ACADM: variants seen among roughly 807,000 people sequenced by gnomAD.
The protein encoded by ACADM is medium-chain specific acyl-CoA dehydrogenase, mitochondrial.
ACADM carries 49 observed loss-of-function variants against 58.9 expected under a neutral mutation model. The observed-to-expected ratio is 0.83, with a 90% CI of 0.66 to 1.06. ACADM has a LOEUF of 1.06. ACADM is among the 50% of genes least tolerant of loss of function. The pLI, the probability that ACADM is intolerant of heterozygous loss-of-function variation, is 0.00. For missense variants in ACADM, 496 were observed against 507.0 expected, an observed-to-expected ratio of 0.98 and a Z score of 0.21; for synonymous variants, 160 against 157.7, an observed-to-expected ratio of 1.01 and a Z score of -0.11.
At chr1:75,730,633 C>G (rs550627082) in intron 2 of ACADM, among the ~76,000 whole-genome samples, 10 of 151,522 alleles carry the variant, frequency 6.6e-5, no homozygotes, top group Non-Finnish European at 1.5e-4. Context: ...TCTCTCGCCT[C>G]AGCTTCCTGA....
At position 75,753,795 on chromosome 1, in the gene ACADM, C is replaced by CTTTTTTTTTT. The variant is rs71071962; in HGVS notation, c.945+3259_945+3268dup. On this transcript the variant is annotated intron_variant, in intron 10 of 11. Coordinates refer to ENST00000370841, the MANE Select transcript of ACADM (RefSeq NM_000016.6). Reference sequence around the variant, plus strand: ...GCACTCTGCAAAATGCTGATAGCTTCTTTTTTTTTTTTTTTTTTTGAGACA... The same window carrying CTTTTTTTTTT: ...GCACTCTGCAAAATGCTGATAGCTTCTTTTTTTTTTTTTTTTTTTTTTTTTTTTTGAGACA... Among the ~76,000 whole-genome samples the CTTTTTTTTTT allele has an allele frequency of 7.4e-4, 61 of 81,900 alleles. 5 individuals are homozygous for CTTTTTTTTTT. Among genetic ancestry groups the CTTTTTTTTTT allele is most frequent in the African/African-American group, 1.7e-3 (28 of 16,464 alleles). 53.7% of individuals were successfully genotyped at this position (81,900 alleles called of 152,430 possible).
Position 75,749,507 on chromosome 1 carries a change from A to T in ACADM, c.797A>T (p.Asp266Val). 1 of 1,614,110 alleles carries T rather than the reference A, an allele frequency of 6.2e-7. No homozygotes were observed. The highest frequency in any genetic ancestry group is 8.5e-7 in the Non-Finnish European group (1 of 1,180,006). The change falls in exon 9 of 12, where the codon GAC becomes GTC. Residue 266 changes from aspartate (D) to valine (V), a missense_variant. Physicochemically the swap from Asp to Val is radical, Grantham distance 152. Coordinates refer to ENST00000370841, the MANE Select transcript of ACADM (RefSeq NM_000016.6). ...KVPKENVLIG[D>V]GAGFKVAMGA... ...CCTAAAGAAAATGTTTTAATTGGTG[A>T]CGGAGCTGGTTTCAAAGTTGCAATG...
intron 10 of ACADM, among the ~76,000 whole-genome samples, chr1:75,751,112 C>T (rs548003457): frequency 6.7e-6 from 1 of 150,160 alleles, no homozygotes; most frequent in Non-Finnish European, 1.5e-5. Context: ...GAGGCTGAGG[C>T]GGGCGGATCA....
chr1:75,726,479 T>C (rs1236916627), intron 1 of ACADM, among the ~76,000 whole-genome samples: 1 of 152,248 alleles, frequency 6.6e-6, no homozygotes, highest in Non-Finnish European at 1.5e-5. Context: ...GTTCTGATTT[T>C]TGTGGAATGT....
At chr1:75,741,284 C>T (rs1647553741) in intron 7 of ACADM, among the ~76,000 whole-genome samples, 1 of 152,044 alleles carries the variant, frequency 6.6e-6, no homozygotes, top group African/African-American at 2.4e-5. Flanking sequence ...TAAAAAGTTA[C>T]TTAGATTAAA....
In ACADM at chr1:75,729,276, TTTTC is replaced by T. The variant is rs1484430381; in HGVS notation, c.118+800_118+803del. Among the ~76,000 whole-genome samples, 11 of 144,202 alleles carry T rather than the reference TTTTC, an allele frequency of 7.6e-5. No individual in the cohort carries two copies. The South Asian group carries it at 8.7e-4, about 11-fold the overall frequency. 94.6% of individuals were successfully genotyped at this position (144,202 alleles called of 152,430 possible). A position where few individuals can be genotyped will look rare whatever the true frequency, so the allele number is the denominator to read the frequency against. The stretch of plus-strand genomic sequence containing the variant: ...GAATTTAATGAAATTTTTCTTTTCT[TTTTC>T]TTTCTTTCTTTTTTCTTTTTTTTTT... On this transcript the variant is annotated intron_variant, in intron 2 of 11. Transcript: ENST00000370841.
At chr1:75,745,760 T>C in intron 7 of ACADM, 46 bp from the exon 8 acceptor site, 1 of 1,310,106 alleles carries the variant, frequency 7.6e-7, no homozygotes, top group Non-Finnish European at 1.1e-6. Context: ...TCACCATGTG[T>C]TATTTGCCGA....
chr1:75,761,592 CAT>C (rs927372395), intron 11 of ACADM: 88 of 571,922 alleles, frequency 1.5e-4, no homozygotes, highest in African/African-American at 9.9e-4. Flanking sequence ...ATGGTACAGA[CAT>C]GTGTATTACG....
At chr1:75,740,650 A>C (rs540568173) in intron 7 of ACADM, among the ~76,000 whole-genome samples, 58 of 152,300 alleles carry the variant, frequency 3.8e-4, no homozygotes, top group Middle Eastern at 3.4e-3. Context: ...CTAAAAAAAA[A>C]CACTCGATTA....
Position 75,744,284 on chromosome 1 carries a change from T to G in ACADM, c.600-1522T>G. The G allele has an allele frequency of 1.9e-6, 3 of 1,613,490 alleles. No homozygotes were observed. The South Asian group carries it at 3.3e-5, about 18-fold the overall frequency. ...ACTGCCGCTGCTATAGGTTCTGCTT[T>G]TGGGGCTGCAGCAGCAGGAGCTTCA... On this transcript the variant is annotated intron_variant, in intron 7 of 11. Coordinates refer to ENST00000370841, the MANE Select transcript of ACADM (RefSeq NM_000016.6).
At chr1:75,756,062 G>A (rs1248833888) in intron 10 of ACADM, among the ~76,000 whole-genome samples, 2 of 152,166 alleles carry the variant, frequency 1.3e-5, no homozygotes, top group Admixed American at 6.5e-5. Context: ...TTGATGGAAT[G>A]TATCTCAAAA....
At chr1:75,744,084 G>T (rs1647744361) in intron 7 of ACADM, 1 of 1,588,116 alleles carries the variant, frequency 6.3e-7, no homozygotes, top group African/African-American at 1.3e-5. Context: ...GCAATGCACT[G>T]CCGCATCCTG....
intron 8 of ACADM, among the ~76,000 whole-genome samples, chr1:75,747,383 GC>G (rs1050411667): frequency 2.0e-5 from 3 of 151,938 alleles, no homozygotes; most frequent in Non-Finnish European, 2.9e-5. Context: ...AAAATCCCTG[GC>G]CTTAGGTAAA....
rs767371448 is a variant in ACADM, at chr1:75,737,165, G to T, written c.468+2294G>T. The stretch of plus-strand genomic sequence containing the variant: ...AGCCAAGAACAGGCCAGGCATGGTG[G>T]CTCATGCCTGTAATCTTAACACTTT... On this transcript the variant is annotated intron_variant, in intron 6 of 11. Coordinates refer to ENST00000370841, the MANE Select transcript of ACADM (RefSeq NM_000016.6). Among the ~76,000 whole-genome samples, 25 of 150,016 alleles carry T rather than the reference G, an allele frequency of 1.7e-4. 1 individual carries two copies. Among genetic ancestry groups the T allele is most frequent in the Non-Finnish European group, 3.7e-4 (25 of 67,618 alleles).
In ACADM at chr1:75,742,525, T is replaced by G. The variant is rs568871026; in HGVS notation, c.599+2415T>G. Among the ~76,000 whole-genome samples the G allele has an allele frequency of 8.5e-5, 13 of 152,318 alleles. No homozygotes were observed. In the East Asian group the frequency reaches 2.3e-3, roughly 27 times the overall value. ...TGAAAAGCTCAAGGCAATCTGAGTC[T>G]AGAGGAGACCTCCCTTCCCTAATCT... On this transcript the variant is annotated intron_variant, in intron 7 of 11. Coordinates refer to ENST00000370841, the MANE Select transcript of ACADM (RefSeq NM_000016.6).
chr1:75,757,645 TG>T (rs1648585612), intron 10 of ACADM, among the ~76,000 whole-genome samples: 1 of 152,224 alleles, frequency 6.6e-6, no homozygotes, highest in Admixed American at 6.5e-5. Context: ...GAAGACAGTG[TG>T]GCAATTTCTC....
At chr1:75,732,964 T>G in intron 4 of ACADM, 42 bp downstream of exon 4, 1 of 1,613,078 alleles carries the variant, frequency 6.2e-7, no homozygotes, top group South Asian at 1.1e-5. Context: ...TGCATATGAG[T>G]AAGAAAAATT....
intron 2 of ACADM, among the ~76,000 whole-genome samples, chr1:75,730,543 C>CTTT (rs34314755): frequency 1.4e-5 from 2 of 141,676 alleles, no homozygotes; most frequent in African/African-American, 2.6e-5. Context: ...GTCATTTTTC[C>CTTT]TTTTTTTTTT....
At chr1:75,737,482 G>GA (rs542164370) in intron 6 of ACADM, among the ~76,000 whole-genome samples, 12 of 151,174 alleles carry the variant, frequency 7.9e-5, no homozygotes, top group South Asian at 4.2e-4. Flanking sequence ...ATATTTCAGG[G>GA]AAAAAAATAC....
Sources: gnomAD v4.1 joint callset for allele counts (sites outside exome capture counted in the v4.1 genomes callset) on GRCh38, gnomAD v4.1.1 for gene constraint, MANE v1.5 for transcripts, NCBI Gene and HGNC (gene_info 2026-07-23, HGNC 2026-07-21) for gene names.